CEP112: variants seen among roughly 807,000 people sequenced by gnomAD.
CEP112 encodes the protein centrosomal protein of 112 kDa.
A neutral mutation model predicts 153.0 loss-of-function variants in CEP112; 127 were observed. The observed-to-expected ratio is 0.83, with a 90% CI of 0.72 to 0.96. The LOEUF is 0.96. CEP112 is among the 40% of genes least tolerant of loss of function. The pLI, the probability that CEP112 is intolerant of heterozygous loss-of-function variation, is 0.00. For missense variants in CEP112, 1,089 were observed against 1,101.2 expected (o/e 0.99, Z 0.16); for synonymous variants, 358 against 374.4 (o/e 0.96, Z 0.51).
intron 19 of CEP112, among the ~76,000 whole-genome samples, chr17:65,921,744 G>T (rs543031984): frequency 6.6e-6 from 1 of 151,972 alleles, no homozygotes; most frequent in Non-Finnish European, 1.5e-5. Context: ...TCCATTAATA[G>T]TATCAATTCT....
At chr17:65,739,596 C>T (rs1028405032) in intron 23 of CEP112, among the ~76,000 whole-genome samples, 5 of 151,988 alleles carry the variant, frequency 3.3e-5, no homozygotes, top group South Asian at 2.1e-4. Context: ...ATTAGCCAGG[C>T]GTGGTGGTGG....
chr17:66,178,670 T>C (rs2072590377), intron 2 of CEP112, among the ~76,000 whole-genome samples: 1 of 152,170 alleles, frequency 6.6e-6, no homozygotes, highest in Non-Finnish European at 1.5e-5. Flanking sequence ...TGTTTTCTTT[T>C]AGCAGTTTCC....
At chr17:65,929,482 T>C (rs2061046498) in intron 18 of CEP112, among the ~76,000 whole-genome samples, 1 of 152,226 alleles carries the variant, frequency 6.6e-6, no homozygotes, top group South Asian at 2.1e-4. Flanking sequence ...ACCTTTGTAC[T>C]GAGACCTTCT....
intron 17 of CEP112, among the ~76,000 whole-genome samples, chr17:65,999,452 C>A (rs548698961): frequency 7.9e-5 from 12 of 152,088 alleles, no homozygotes; most frequent in Non-Finnish European, 1.5e-4. Flanking sequence ...TTGCCCACCT[C>A]GGCCTCCCAA....
chr17:65,765,806 C>A (rs2052930330), intron 21 of CEP112, among the ~76,000 whole-genome samples: 1 of 152,032 alleles, frequency 6.6e-6, no homozygotes. Flanking sequence ...AGAAGCAGGG[C>A]CAGCACACCC....
intron 12 of CEP112, among the ~76,000 whole-genome samples, chr17:66,048,162 C>A (rs989683588): frequency 1.3e-5 from 2 of 151,334 alleles, no homozygotes; most frequent in Non-Finnish European, 2.9e-5. Context: ...AATGAGGAAC[C>A]GATAGATCCA....
At chr17:65,796,860 C>T (rs1457355259) in intron 21 of CEP112, among the ~76,000 whole-genome samples, 1 of 142,870 alleles carries the variant, frequency 7.0e-6, no homozygotes, top group East Asian at 2.0e-4. Context: ...TGGTAAAACC[C>T]CATCTCTACA....
intron 21 of CEP112, among the ~76,000 whole-genome samples, chr17:65,834,570 C>T (rs185037789): frequency 4.1e-4 from 62 of 152,192 alleles, no homozygotes; most frequent in African/African-American, 1.4e-3. Flanking sequence ...AGAAGACACA[C>T]ATGTGGCAAC....
chr17:65,692,122 C>A (rs1230650786), intron 23 of CEP112, among the ~76,000 whole-genome samples: 1 of 152,120 alleles, frequency 6.6e-6, no homozygotes, highest in Non-Finnish European at 1.5e-5. Context: ...TTTTGTGCAC[C>A]CAGTATTATT....
At chr17:65,836,822 C>A (rs576281605) in intron 21 of CEP112, among the ~76,000 whole-genome samples, 5 of 151,782 alleles carry the variant, frequency 3.3e-5, no homozygotes, top group African/African-American at 9.7e-5. Context: ...TCCCCATCCC[C>A]TTCCCCCTCC....
chr17:65,941,886 G>C (rs541447486), intron 18 of CEP112, among the ~76,000 whole-genome samples: 14 of 152,040 alleles, frequency 9.2e-5, no homozygotes, highest in African/African-American at 3.4e-4. Context: ...CAGTTAAAGC[G>C]ATTCTTCTGC....
intron 23 of CEP112, among the ~76,000 whole-genome samples, chr17:65,722,969 T>C (rs1489241989): frequency 6.6e-6 from 1 of 152,190 alleles, no homozygotes; most frequent in Non-Finnish European, 1.5e-5. Flanking sequence ...AGAATATCCA[T>C]TGTCTAGCTG....
chr17:65,919,233 G>A (rs1381303258), intron 19 of CEP112, among the ~76,000 whole-genome samples: 1 of 152,140 alleles, frequency 6.6e-6, no homozygotes, highest in Non-Finnish European at 1.5e-5. Context: ...TAATAGGAAT[G>A]TTACCTCAAT....
chr17:66,053,540 C>T (rs2066537907), intron 12 of CEP112, among the ~76,000 whole-genome samples, 196 bp downstream of exon 12: 2 of 152,058 alleles, frequency 1.3e-5, no homozygotes, highest in Admixed American at 6.6e-5. Context: ...GCATTAAACA[C>T]ACTAGAGTCA....
intron 21 of CEP112, among the ~76,000 whole-genome samples, chr17:65,759,921 C>T (rs537027514): frequency 3.9e-5 from 6 of 152,130 alleles, no homozygotes; most frequent in South Asian, 4.2e-4. Context: ...TTTAATACCT[C>T]GATAAACCCA....
chr17:65,871,147 C>T (rs1337112833), intron 20 of CEP112, among the ~76,000 whole-genome samples: 1 of 152,200 alleles, frequency 6.6e-6, no homozygotes, highest in East Asian at 1.9e-4. Flanking sequence ...TTCTACAACA[C>T]TGGGACACAA....
chr17:65,911,634 G>C (rs2060287139), intron 19 of CEP112, among the ~76,000 whole-genome samples: 2 of 152,020 alleles, frequency 1.3e-5, no homozygotes. Flanking sequence ...TTCAAGATCA[G>C]CCTAGGCAAT....
intron 21 of CEP112, among the ~76,000 whole-genome samples, chr17:65,817,214 G>A (rs548957030): frequency 2.4e-4 from 36 of 151,920 alleles, no homozygotes; most frequent in African/African-American, 7.5e-4. Flanking sequence ...CCAGGTATAA[G>A]GAGATTGCTA....
At chr17:65,723,529 T>C (rs1469057170) in intron 23 of CEP112, among the ~76,000 whole-genome samples, 1 of 152,200 alleles carries the variant, frequency 6.6e-6, no homozygotes, top group African/African-American at 2.4e-5. Context: ...GTTCTCCAGA[T>C]GAGAGAATAC....
Sources: allele counts gnomAD v4.1 joint callset (sites outside exome capture counted in the v4.1 genomes callset), GRCh38; gene constraint gnomAD v4.1.1; transcripts MANE v1.5; gene names NCBI Gene and HGNC (gene_info 2026-07-23, HGNC 2026-07-21).